The following CTDSPL variants were observed in gnomAD, a reference collection of about 807,000 sequenced individuals.
CTDSPL encodes CTD small phosphatase-like protein.
CTDSPL carries 8 observed loss-of-function variants against 30.5 expected under a neutral mutation model. The observed-to-expected ratio is 0.26, with a 90% CI of 0.15 to 0.47. The LOEUF is 0.47. Among genes scored for constraint, CTDSPL ranks in the 20% least tolerant of loss-of-function variants. CTDSPL has a pLI of 0.99. For missense variants in CTDSPL, 248 were observed against 366.1 expected (o/e 0.68, Z 2.63); for synonymous variants, 110 against 137.9 (o/e 0.80, Z 1.42).
intron 1 of CTDSPL, among the ~76,000 whole-genome samples, chr3:37,873,464 A>C (rs894678176): frequency 4.6e-5 from 7 of 152,100 alleles, no homozygotes; most frequent in Admixed American, 1.3e-4. Flanking sequence ...AACCCAGGGA[A>C]ATCACCACCC....
chr3:37,913,901 TG>T (rs1698612671), intron 1 of CTDSPL, among the ~76,000 whole-genome samples: 2 of 152,226 alleles, frequency 1.3e-5, no homozygotes, highest in Admixed American at 1.3e-4. Flanking sequence ...AGTCTATTAT[TG>T]GTCTTTTGCA....
chr3:37,934,564 C>T (rs535644869), intron 1 of CTDSPL, among the ~76,000 whole-genome samples: 2 of 152,320 alleles, frequency 1.3e-5, no homozygotes, highest in South Asian at 2.1e-4. Context: ...CATAATCTCT[C>T]CTTCTGAAAA....
At chr3:37,965,865 G>T (rs527360495) in intron 4 of CTDSPL, among the ~76,000 whole-genome samples, 1 of 152,314 alleles carries the variant, frequency 6.6e-6, no homozygotes, top group South Asian at 2.1e-4. Flanking sequence ...ACTGGGGCAT[G>T]CAGGGACCAC....
At chr3:37,972,225 G>A (rs1031420271) in intron 6 of CTDSPL, among the ~76,000 whole-genome samples, 3 of 152,122 alleles carry the variant, frequency 2.0e-5, no homozygotes, top group Non-Finnish European at 2.9e-5. Flanking sequence ...GGCCGGGCGC[G>A]GTTGCTCATG....
At chr3:37,880,911 G>T (rs902422314) in intron 1 of CTDSPL, among the ~76,000 whole-genome samples, 4 of 151,894 alleles carry the variant, frequency 2.6e-5, no homozygotes, top group African/African-American at 9.7e-5. Context: ...GGACCCTCTG[G>T]TGTAGCCTAA....
At chr3:37,867,510 G>A (rs1698024277) in intron 1 of CTDSPL, among the ~76,000 whole-genome samples, 1 of 152,110 alleles carries the variant, frequency 6.6e-6, no homozygotes, top group Non-Finnish European at 1.5e-5. Context: ...GTAGTTGCAT[G>A]TTTACTTTTT....
In CTDSPL at chr3:37,982,014, T is replaced by G. The variant is rs1699497986; in HGVS notation, c.*1147T>G. Reference sequence around the variant, plus strand: ...CCATCCCATTGCAGCCTCCACCACCTGTAACCCCTTCCTGGCATTGGCCAC... The same window carrying G: ...CCATCCCATTGCAGCCTCCACCACCGGTAACCCCTTCCTGGCATTGGCCAC... On this transcript the variant is annotated 3_prime_UTR_variant, in exon 8 of 8. Coordinates refer to ENST00000273179, the MANE Select transcript of CTDSPL (RefSeq NM_001008392.2). 7.4e-6 allele frequency: 3 copies of G among 407,924 alleles called. No individual in the cohort carries two copies. Among genetic ancestry groups the G allele is most frequent in the Middle Eastern group, 3.5e-4 (1 of 2,822 alleles). 25.3% of individuals were successfully genotyped at this position (407,924 alleles called of 1,614,324 possible).
At chr3:37,913,577 A>G (rs536422081) in intron 1 of CTDSPL, among the ~76,000 whole-genome samples, 36 of 152,302 alleles carry the variant, frequency 2.4e-4, no homozygotes, top group Middle Eastern at 3.4e-3. Context: ...AGAAATGAGA[A>G]TTGGGGAGAC....
intron 1 of CTDSPL, among the ~76,000 whole-genome samples, chr3:37,907,998 T>G (rs1330421672): frequency 2.0e-5 from 3 of 152,022 alleles, no homozygotes; most frequent in Admixed American, 1.3e-4. Context: ...GTCTGCAGGG[T>G]TTTGTTTTTA....
At chr3:37,937,867 G>C (rs1698933473) in intron 1 of CTDSPL, among the ~76,000 whole-genome samples, 1 of 150,364 alleles carries the variant, frequency 6.7e-6, no homozygotes, top group Non-Finnish European at 1.5e-5. Context: ...ACTGAAGTTT[G>C]GTCAAGCAAA....
chr3:37,881,968 A>G (rs1698210350), intron 1 of CTDSPL, among the ~76,000 whole-genome samples: 1 of 152,210 alleles, frequency 6.6e-6, no homozygotes. Context: ...GGGTAGTTCA[A>G]TATATAATTG....
chr3:37,897,384 A>G (rs894099730), intron 1 of CTDSPL, among the ~76,000 whole-genome samples: 2 of 152,130 alleles, frequency 1.3e-5, no homozygotes, highest in Admixed American at 6.6e-5. Flanking sequence ...AATTTATTTT[A>G]CTTATTGATT....
chr3:37,923,831 A>G (rs78295061), intron 1 of CTDSPL, among the ~76,000 whole-genome samples: 2,383 of 152,048 alleles, frequency 0.016, 62 homozygotes, highest in African/African-American at 0.054. Flanking sequence ...TTATAAACCA[A>G]TGCAAAATTC....
chr3:37,862,333 C>T lies in CTDSPL; in HGVS notation c.79+55C>T. 12 of 1,385,522 alleles carry T rather than the reference C, an allele frequency of 8.7e-6. No individual in the cohort carries two copies. The highest frequency in any genetic ancestry group is 1.1e-5 in the Non-Finnish European group (12 of 1,064,694). The allele number at this position is 1,385,522 out of a possible 1,614,324, so 85.8% of individuals were successfully genotyped here. On this transcript the variant is annotated intron_variant, in intron 1 of 7. Coordinates refer to ENST00000273179, the MANE Select transcript of CTDSPL (RefSeq NM_001008392.2). This position sits in a 1 kb window ranked among gnomAD's most constrained non-coding sequence, Gnocchi z 4.3. ...GGGGGCGAGCGCACACCCCGCGCCG[C>T]TGGAGTTCACTGCCGGGCGCCGGCA...
In CTDSPL at chr3:37,967,745, A is replaced by G. The variant is rs549211015; in HGVS notation, c.370-81A>G. On this transcript the variant is annotated intron_variant, in intron 4 of 7. Transcript: ENST00000273179. ...TTTCCAATAACCAAAACATTGGTCT[A>G]GGCAGGCTTTTTTCTTGCTAAAATT... 133 of 979,898 alleles carry G rather than the reference A, an allele frequency of 1.4e-4. 1 individual carries two copies. In the South Asian group the frequency reaches 2.0e-3, roughly 14 times the overall value. 60.7% of individuals were successfully genotyped at this position (979,898 alleles called of 1,614,324 possible). A position where few individuals can be genotyped will look rare whatever the true frequency, so the allele number is the denominator to read the frequency against.
chr3:37,893,088 C>T (rs9851933), intron 1 of CTDSPL, among the ~76,000 whole-genome samples: 3,310 of 152,268 alleles, frequency 0.022, 123 homozygotes, highest in African/African-American at 0.075. Context: ...AGGCATGTGC[C>T]ACCAACCGTG....
intron 4 of CTDSPL, among the ~76,000 whole-genome samples, chr3:37,964,897 G>A (rs1699283173): frequency 6.6e-6 from 1 of 152,172 alleles, no homozygotes; most frequent in African/African-American, 2.4e-5. Context: ...CAACATCACT[G>A]GGACCTCATT....
chr3:37,974,515 G>A (rs9881710), intron 6 of CTDSPL, among the ~76,000 whole-genome samples: 3,779 of 152,306 alleles, frequency 0.025, 144 homozygotes, highest in African/African-American at 0.086. Flanking sequence ...GCCTGGCCTC[G>A]TGTCAGGCTT....
chr3:37,971,158 C>T (rs1699362696), intron 5 of CTDSPL, among the ~76,000 whole-genome samples: 1 of 152,212 alleles, frequency 6.6e-6, no homozygotes, highest in Admixed American at 6.5e-5. Flanking sequence ...ACCCTCACAC[C>T]ATGGTCAGCT....
Sources: gnomAD v4.1 joint callset for allele counts (sites outside exome capture counted in the v4.1 genomes callset) on GRCh38, gnomAD v4.1.1 for gene constraint, Gnocchi (gnomAD v3.1) non-coding constraint, MANE v1.5 for transcripts, NCBI Gene and HGNC (gene_info 2026-07-23, HGNC 2026-07-21) for gene names.